Variants in EYA4 observed in about 807,000 individuals in gnomAD.
The protein encoded by EYA4 is EYA transcriptional coactivator and phosphatase 4.
EYA4 carries 31 observed loss-of-function variants against 87.9 expected under a neutral mutation model. The observed-to-expected ratio is 0.35, with a 90% confidence interval of 0.27 to 0.48. The LOEUF is 0.48. EYA4 is among the 20% of genes least tolerant of loss of function. EYA4 has a pLI of 0.99. For missense variants in EYA4, 678 were observed against 761.4 expected (o/e 0.89, Z 1.29); for synonymous variants, 263 against 270.6 (o/e 0.97, Z 0.28).
intron 3 of EYA4, among the ~76,000 whole-genome samples, chr6:133,385,440 T>TGTGTGTGAGA (rs1198712820): frequency 1.9e-5 from 2 of 103,968 alleles, no homozygotes; most frequent in African/African-American, 6.9e-5. Context: ...TGTGTGTGTG[T>TGTGTGTGAGA]GAGAGAGAGA....
At chr6:133,466,978 CT>C (rs1384878848) in intron 10 of EYA4, among the ~76,000 whole-genome samples, 2 of 152,006 alleles carry the variant, frequency 1.3e-5, no homozygotes, top group Non-Finnish European at 2.9e-5. Flanking sequence ...GAGACGATAA[CT>C]CTGCCACCAA....
chr6:133,285,487 A>G (rs1305702422), intron 2 of EYA4, among the ~76,000 whole-genome samples: 1 of 152,170 alleles, frequency 6.6e-6, no homozygotes, highest in Non-Finnish European at 1.5e-5. Context: ...CTGCAAAGGT[A>G]ATCAGCATGG....
intron 3 of EYA4, among the ~76,000 whole-genome samples, chr6:133,398,755 C>T (rs1255468501): frequency 2.0e-5 from 3 of 152,052 alleles, no homozygotes; most frequent in Non-Finnish European, 4.4e-5. Context: ...CTGTAGAAAG[C>T]GAATGGCAGT....
chr6:133,322,573 T>C (rs1208584618), intron 2 of EYA4, among the ~76,000 whole-genome samples: 1 of 152,144 alleles, frequency 6.6e-6, no homozygotes, highest in Non-Finnish European at 1.5e-5. Context: ...CCATTCCCTC[T>C]TTAAAATATT....
chr6:133,281,607 AT>A (rs199925707), intron 2 of EYA4, among the ~76,000 whole-genome samples: 1 of 145,902 alleles, frequency 6.9e-6, no homozygotes, highest in African/African-American at 2.6e-5. Context: ...ATTGAGGAAG[AT>A]TTTTTTTTAA....
At chr6:133,341,964 G>A (rs1782815496) in intron 2 of EYA4, among the ~76,000 whole-genome samples, 1 of 152,114 alleles carries the variant, frequency 6.6e-6, no homozygotes, top group East Asian at 1.9e-4. Context: ...TGAATTTTAT[G>A]ACAGGATTTG....
intron 3 of EYA4, among the ~76,000 whole-genome samples, chr6:133,389,474 A>G (rs1787068083): frequency 6.6e-6 from 1 of 152,214 alleles, no homozygotes; most frequent in Non-Finnish European, 1.5e-5. Context: ...CCTCATTAGT[A>G]TACAGCACAG....
intron 16 of EYA4, among the ~76,000 whole-genome samples, chr6:133,514,934 G>A (rs1354131694): frequency 1.3e-5 from 2 of 152,184 alleles, no homozygotes; most frequent in African/African-American, 2.4e-5. Flanking sequence ...TTTGGGATTT[G>A]TGTCCCTAGG....
At chr6:133,268,934 A>G (rs927274802) in intron 1 of EYA4, among the ~76,000 whole-genome samples, 1 of 151,782 alleles carries the variant, frequency 6.6e-6, no homozygotes, top group South Asian at 2.1e-4. Flanking sequence ...TAAATCTAGA[A>G]CTCTCTGCCT....
chr6:133,517,271 G>GTATT (rs776292229), intron 17 of EYA4, among the ~76,000 whole-genome samples: 1 of 151,918 alleles, frequency 6.6e-6, no homozygotes, highest in Non-Finnish European at 1.5e-5. Flanking sequence ...AGAAAAATGG[G>GTATT]TATTAGGCTT....
At chr6:133,385,550 G>T (rs113615564) in intron 3 of EYA4, among the ~76,000 whole-genome samples, 4 of 151,766 alleles carry the variant, frequency 2.6e-5, no homozygotes, top group African/African-American at 7.3e-5. Flanking sequence ...TACTGTATCC[G>T]CATAAAATGT....
chr6:133,409,980 T>G (rs979577826), intron 3 of EYA4, among the ~76,000 whole-genome samples: 7 of 152,198 alleles, frequency 4.6e-5, no homozygotes, highest in African/African-American at 1.4e-4. Context: ...TGTTCCCTTC[T>G]TCAGAGTCAT....
chr6:133,349,739 C>G (rs370569997), intron 2 of EYA4, among the ~76,000 whole-genome samples: 1 of 152,208 alleles, frequency 6.6e-6, no homozygotes, highest in Admixed American at 6.5e-5. Context: ...TCATTGCTAT[C>G]ATAGGCAAAC....
At chr6:133,518,232 A>G (rs1008354894) in intron 17 of EYA4, among the ~76,000 whole-genome samples, 2 of 151,748 alleles carry the variant, frequency 1.3e-5, no homozygotes, top group African/African-American at 4.8e-5. Flanking sequence ...TAGATTATAT[A>G]TACTATATAA....
intron 2 of EYA4, among the ~76,000 whole-genome samples, chr6:133,366,028 GT>G (rs1414446969): frequency 6.6e-6 from 1 of 152,152 alleles, no homozygotes; most frequent in African/African-American, 2.4e-5. Context: ...TAAGAAAACA[GT>G]TTTAGAGGAG....
chr6:133,484,040 A>G (rs1796482331), intron 13 of EYA4, among the ~76,000 whole-genome samples: 2 of 152,074 alleles, frequency 1.3e-5, no homozygotes. Flanking sequence ...TTTTATAGTT[A>G]GCTTCTTATA....
chr6:133,389,929 A>G (rs2128493064), intron 3 of EYA4, among the ~76,000 whole-genome samples: 1 of 152,254 alleles, frequency 6.6e-6, no homozygotes, highest in South Asian at 2.1e-4. Context: ...CTCTGAATGA[A>G]TGCAGTAGGT....
At chr6:133,287,037 CTG>C (rs536155237) in intron 2 of EYA4, among the ~76,000 whole-genome samples, 239 of 151,496 alleles carry the variant, frequency 1.6e-3, no homozygotes, top group Non-Finnish European at 2.7e-3. Flanking sequence ...AATGTCTTCT[CTG>C]TGTGTGTCGG....
intron 2 of EYA4, among the ~76,000 whole-genome samples, chr6:133,312,415 T>G (rs1780299596): frequency 1.3e-5 from 2 of 150,112 alleles, no homozygotes; most frequent in Admixed American, 6.6e-5. Flanking sequence ...CACACAGAGA[T>G]AAAGCAAGAG....
Sources: gnomAD v4.1 joint callset for allele counts (sites outside exome capture counted in the v4.1 genomes callset) on GRCh38, gnomAD v4.1.1 for gene constraint, MANE v1.5 for transcripts, NCBI Gene and HGNC (gene_info 2026-07-23, HGNC 2026-07-21) for gene names.